The following TG variants were observed in gnomAD, a reference collection of about 807,000 sequenced individuals.
TG encodes the protein thyroid hormones.
Under a neutral mutation model 324.7 loss-of-function variants are expected in TG, and 270 were observed. The ratio of observed to expected loss-of-function variants is 0.83; its 90% CI spans 0.75 to 0.92. The LOEUF is 0.92. Among genes scored for constraint, TG ranks in the 40% least tolerant of loss-of-function variants. TG has a pLI of 0.00. For synonymous variants in TG, 1,401 were observed against 1,327.0 expected, an observed-to-expected ratio of 1.06 and a Z score of -1.21; for missense variants, 3,591 against 3,456.4, an observed-to-expected ratio of 1.04 and a Z score of -0.98.
rs748101495 is a variant in TG, at chr8:133,029,939, C to A, written c.7155C>A (p.Asp2385Glu). The change falls in exon 41 of 48, where the codon GAC becomes GAA. Residue 2385 changes from aspartate to glutamate, a missense_variant. By Grantham distance (45) the Asp-to-Glu change is conservative (BLOSUM62 2). Transcript: ENST00000220616. ...CTCGGCGCGTGTCCCTGGCAGCAGA[C>A]CGTGGCGGGGCTGATGTGGCCAGCA... The part of the protein sequence containing the change: ...GDPRRVSLAA[D>E]RGGADVASIH... 7 of 1,614,084 alleles carry A rather than the reference C, an allele frequency of 4.3e-6. No individual in the cohort carries two copies. The Admixed American group carries it at 1.2e-4, about 27-fold the overall frequency.
At chr8:132,924,789 T>C (rs1821596345) in intron 22 of TG, among the ~76,000 whole-genome samples, 1 of 152,200 alleles carries the variant, frequency 6.6e-6, no homozygotes, top group Non-Finnish European at 1.5e-5. Context: ...TTTCCCCCGT[T>C]GTAAGAGTGT....
rs750948770 is a variant in TG at position 132,897,732 on chromosome 8, C to T, written c.3085C>T (p.Pro1029Ser). The T allele has an allele frequency of 6.2e-7, 1 of 1,614,214 alleles. No homozygotes were observed. Among genetic ancestry groups the T allele is most frequent in the Non-Finnish European group, 8.5e-7 (1 of 1,180,032 alleles). ...CCTTCTGCGGTCGGGCCCCTACATG[C>T]CACAGTGTGATGCGTTTGGAAGTTG... ...SALLRSGPYMPQCDAFGSWEP... is the reference protein window; with the variant it reads ...SALLRSGPYMSQCDAFGSWEP... The change falls in exon 12 of 48, where the codon CCA becomes TCA. Residue 1029 changes from proline to serine, a missense_variant. By Grantham distance (74) the Pro-to-Ser change is moderately conservative. Coordinates refer to ENST00000220616, the MANE Select transcript of TG (RefSeq NM_003235.5).
In TG at chr8:132,941,531, A is replaced by G. The variant is rs1191623297; in HGVS notation, c.5222A>G (p.Gln1741Arg). ...DLCCDGFVLT[Q>R]VQGGAIICGL... The stretch of plus-strand genomic sequence containing the variant: ...TGTTGCGATGGCTTCGTCCTCACAC[A>G]GGTTCAAGGAGGTAATGTTGGCAGT... Residue 1741 changes from glutamine to arginine, a missense_variant, in exon 26 of 48, where the codon CAG becomes CGG. By Grantham distance (43) the Gln-to-Arg change is conservative. Coordinates refer to ENST00000220616, the MANE Select transcript of TG (RefSeq NM_003235.5). 3.7e-6 allele frequency: 6 copies of G among 1,614,184 alleles called. No homozygotes were observed. The highest frequency in any genetic ancestry group is 2.2e-5 in the East Asian group (1 of 44,878).
At chr8:133,029,457 A>G (rs1836415390) in intron 40 of TG, among the ~76,000 whole-genome samples, 1 of 152,200 alleles carries the variant, frequency 6.6e-6, no homozygotes, top group Non-Finnish European at 1.5e-5. Context: ...TGGCCAAGAC[A>G]GTGGTGGACC....
chr8:133,114,678 G>A (rs1457864152), intron 44 of TG, among the ~76,000 whole-genome samples: 6 of 152,166 alleles, frequency 3.9e-5, no homozygotes, highest in Non-Finnish European at 8.8e-5. Flanking sequence ...GGTGGGATGC[G>A]AGTGCTTTTT....
chr8:133,126,814 A>G (rs767938152), intron 45 of TG, among the ~76,000 whole-genome samples: 4 of 152,130 alleles, frequency 2.6e-5, no homozygotes, highest in Non-Finnish European at 5.9e-5. Flanking sequence ...CAAAAAAACA[A>G]AACAAAACAA....
chr8:133,033,125 G>T (rs1185582551), intron 41 of TG, among the ~76,000 whole-genome samples: 1 of 152,156 alleles, frequency 6.6e-6, no homozygotes, highest in Non-Finnish European at 1.5e-5. Flanking sequence ...GAAGATCCTG[G>T]TCTTGGAGAA....
chr8:132,957,438 C>T (rs999362050), intron 27 of TG, among the ~76,000 whole-genome samples: 1 of 152,144 alleles, frequency 6.6e-6, no homozygotes. Flanking sequence ...AATACAGTCC[C>T]AAACTGATGT....
intron 28 of TG, 23 bp downstream of exon 28, chr8:132,961,096 G>C (rs1827691876): frequency 1.2e-6 from 2 of 1,612,592 alleles, no homozygotes; most frequent in South Asian, 2.2e-5. Flanking sequence ...GTGGAAGAGG[G>C]GGTTAGCAGG....
At chr8:133,042,550 G>T (rs1838457196) in intron 41 of TG, among the ~76,000 whole-genome samples, 1 of 151,688 alleles carries the variant, frequency 6.6e-6, no homozygotes, top group Non-Finnish European at 1.5e-5. Context: ...TCCCCATGTT[G>T]TAAGTAAAAA....
rs762173953 is a variant in TG at position 132,866,978 on chromosome 8, T to G, written c.-23T>G. ...AGGGCAAGCAGTGGTTTCTCCTCCT[T>G]CCTCCCAGGAAGGGCCAGGAAAATG... On this transcript the variant is annotated 5_prime_UTR_variant, in exon 1 of 48. Coordinates refer to ENST00000220616, the MANE Select transcript of TG (RefSeq NM_003235.5). 51 of 1,574,268 alleles carry G rather than the reference T, an allele frequency of 3.2e-5. No homozygotes were observed. Among genetic ancestry groups the G allele is most frequent in the Non-Finnish European group, 4.0e-5 (46 of 1,156,984 alleles).
In TG at chr8:133,049,922, A is replaced by G. The variant is rs1389704451; in HGVS notation, c.7239+19899A>G. The G allele has an allele frequency of 1.9e-6, 3 of 1,612,286 alleles. No individual in the cohort carries two copies. In the South Asian group the frequency reaches 3.3e-5, roughly 18 times the overall value. ...CTCACCCATGGTAAACTCTGGCCAC[A>G]CATATTCCAGGGATGTAACTCTCTC... On this transcript the variant is annotated intron_variant, in intron 41 of 47. Transcript: ENST00000220616.
chr8:133,100,920 A>G (rs1303609994), intron 43 of TG, among the ~76,000 whole-genome samples: 2 of 152,226 alleles, frequency 1.3e-5, no homozygotes, highest in South Asian at 2.1e-4. Flanking sequence ...TCTCAACTGT[A>G]TGGCTGTGAG....
At chr8:133,002,785 C>G in intron 35 of TG, 1 of 237,848 alleles carries the variant, frequency 4.2e-6, no homozygotes, top group South Asian at 6.0e-5. Flanking sequence ...TCTTGACTCC[C>G]AGAGTGCTTA....
intron 45 of TG, among the ~76,000 whole-genome samples, chr8:133,121,153 G>C (rs922555542): frequency 2.6e-5 from 4 of 152,168 alleles, no homozygotes; most frequent in African/African-American, 9.7e-5. Context: ...AGACTTAGTA[G>C]GTGCTCAGGA....
intron 40 of TG, among the ~76,000 whole-genome samples, chr8:133,028,980 TA>T (rs1836366355): frequency 6.6e-6 from 1 of 151,870 alleles, no homozygotes; most frequent in Non-Finnish European, 1.5e-5. Flanking sequence ...CACCAACATG[TA>T]GGTGGTAATG....
chr8:132,883,154 C>A, intron 8 of TG, 155 bp downstream of exon 8: 1 of 732,958 alleles, frequency 1.4e-6, no homozygotes, highest in Non-Finnish European at 2.2e-6. Context: ...AGTTTATCAT[C>A]ATTAACTTCC....
intron 41 of TG, among the ~76,000 whole-genome samples, chr8:133,070,295 C>T (rs1843803930): frequency 6.6e-6 from 1 of 152,164 alleles, no homozygotes; most frequent in Non-Finnish European, 1.5e-5. Context: ...CCAGACACCA[C>T]TGGAGCGAAC....
chr8:133,134,882 G>T lies in TG; in HGVS notation c.*88G>T. Reference sequence around the variant, plus strand: ...AAAATAGCCACTTACCTTCAATAAAGTATCTACATGCGGTGAAGCATTGTT... The same window carrying T: ...AAAATAGCCACTTACCTTCAATAAATTATCTACATGCGGTGAAGCATTGTT... On this transcript the variant is annotated 3_prime_UTR_variant, in exon 48 of 48. Transcript: ENST00000220616. 1 of 991,288 alleles carries T rather than the reference G, an allele frequency of 1.0e-6. No homozygotes were observed. Among genetic ancestry groups the T allele is most frequent in the Non-Finnish European group, 1.6e-6 (1 of 621,350 alleles). 61.4% of individuals were successfully genotyped at this position (991,288 alleles called of 1,614,324 possible).
Sources: allele counts gnomAD v4.1 joint callset (sites outside exome capture counted in the v4.1 genomes callset), GRCh38; gene constraint gnomAD v4.1.1; transcripts MANE v1.5; gene names NCBI Gene and HGNC (gene_info 2026-07-23, HGNC 2026-07-21).